GALK2: variants seen among roughly 807,000 people sequenced by gnomAD.
GALK2 encodes galactokinase 2, also known as N-acetylgalactosamine kinase.
A neutral mutation model predicts 52.4 loss-of-function variants in GALK2; 36 were observed. That is an observed-to-expected ratio of 0.69 (90% CI 0.53 to 0.91). GALK2 has a LOEUF of 0.91. GALK2 is among the 40% of genes least tolerant of loss of function. The pLI is 0.00. For missense variants in GALK2, 579 were observed against 559.1 expected, an observed-to-expected ratio of 1.04 and a Z score of -0.36; for synonymous variants, 176 against 199.1, an observed-to-expected ratio of 0.88 and a Z score of 0.98.
intron 9 of GALK2, among the ~76,000 whole-genome samples, chr15:49,323,114 A>G (rs1241167655): frequency 6.6e-6 from 1 of 152,138 alleles, no homozygotes; most frequent in Non-Finnish European, 1.5e-5. Context: ...AGGTAGTAAC[A>G]TGGGGAAAGG....
At chr15:49,245,306 T>C (rs970809091) in intron 5 of GALK2, among the ~76,000 whole-genome samples, 3 of 152,180 alleles carry the variant, frequency 2.0e-5, no homozygotes, top group African/African-American at 7.2e-5. Context: ...GTTGTACACA[T>C]TGCATTGGGG....
chr15:49,322,229 T>A (rs1436928723), intron 9 of GALK2, among the ~76,000 whole-genome samples: 11 of 152,246 alleles, frequency 7.2e-5, no homozygotes, highest in Non-Finnish European at 1.6e-4. Flanking sequence ...ATTTATTTTC[T>A]GAGAAAAATT....
chr15:49,357,807 T>C (rs1052582160), intron 3 of GALK2, among the ~76,000 whole-genome samples: 3 of 152,042 alleles, frequency 2.0e-5, no homozygotes, highest in African/African-American at 7.2e-5. Flanking sequence ...TAGACCAATA[T>C]CCTTGATGAA....
chr15:49,301,476 C>A (rs1453243097), intron 8 of GALK2, among the ~76,000 whole-genome samples: 1 of 151,850 alleles, frequency 6.6e-6, no homozygotes, highest in Non-Finnish European at 1.5e-5. Context: ...CATGGTGTGA[C>A]CCAAGAAGAA....
At chr15:49,181,258 C>T (rs1327704206) in intron 1 of GALK2, among the ~76,000 whole-genome samples, 1 of 151,722 alleles carries the variant, frequency 6.6e-6, no homozygotes, top group Non-Finnish European at 1.5e-5. Context: ...CATGCATGTG[C>T]CATGGTGCCC....
intron 3 of GALK2, among the ~76,000 whole-genome samples, chr15:49,344,519 A>G (rs1347718858): frequency 6.6e-6 from 1 of 152,184 alleles, no homozygotes; most frequent in Non-Finnish European, 1.5e-5. Context: ...GTGTGTTCCA[A>G]TATGACACTT....
At chr15:49,201,646 C>T (rs1411274426) in intron 2 of GALK2, among the ~76,000 whole-genome samples, 2 of 152,146 alleles carry the variant, frequency 1.3e-5, no homozygotes, top group South Asian at 2.1e-4. Flanking sequence ...CCAGAATTTG[C>T]AGCCCTTCTA....
In GALK2 at chr15:49,202,096, C is replaced by T. The variant is rs943109707; in HGVS notation, c.142+846C>T. On this transcript the variant is annotated intron_variant, in intron 2 of 9. Coordinates refer to ENST00000560031, the MANE Select transcript of GALK2 (RefSeq NM_002044.4). ...TCGGCTCACTGCAACCTCTGCCTCC[C>T]GGGTTCAAGTGATTCTCCTGCCTCA... Among the ~76,000 whole-genome samples, 15 of 152,058 alleles carry T rather than the reference C, an allele frequency of 9.9e-5. No individual in the cohort carries two copies. In the South Asian group the frequency reaches 1.7e-3, roughly 17 times the overall value.
At position 49,330,187 on chromosome 15, in the gene GALK2, T is replaced by C. The variant is rs191693642; in HGVS notation, c.*2028T>C. On this transcript the variant is annotated 3_prime_UTR_variant, in exon 10 of 10. Coordinates refer to ENST00000560031, the MANE Select transcript of GALK2 (RefSeq NM_002044.4). Reference sequence around the variant, plus strand: ...TGCAGATGAGCAAAGCCTATGGGTATAGGCAAACATGGTGTGTGTAGGAGG... The same window carrying C: ...TGCAGATGAGCAAAGCCTATGGGTACAGGCAAACATGGTGTGTGTAGGAGG... 1 of 152,236 alleles carries C rather than the reference T, an allele frequency of 6.6e-6. No individual in the cohort carries two copies. Among genetic ancestry groups the C allele is most frequent in the Non-Finnish European group, 1.5e-5 (1 of 68,068 alleles). The allele number at this position is 152,236 out of a possible 1,614,324, so 9.4% of individuals were successfully genotyped here. A position where few individuals can be genotyped will look rare whatever the true frequency, so the allele number is the denominator to read the frequency against.
downstream of GALK2, among the ~76,000 whole-genome samples, chr15:49,332,087 C>CCACACACACACA (rs377139081): frequency 6.2e-3 from 788 of 127,978 alleles, 11 homozygotes; most frequent in African/African-American, 0.019. Flanking sequence ...TGCACACGTG[C>CCACACACACACA]CACACACACA....
intron 1 of GALK2, among the ~76,000 whole-genome samples, chr15:49,200,213 A>C (rs560938010): frequency 6.6e-6 from 1 of 152,162 alleles, no homozygotes; most frequent in African/African-American, 2.4e-5. Context: ...CCTATGAGGA[A>C]TATCTAGTTC....
chr15:49,218,425 G>C (rs991001617), intron 3 of GALK2, among the ~76,000 whole-genome samples: 5 of 152,078 alleles, frequency 3.3e-5, no homozygotes, highest in Admixed American at 3.3e-4. Context: ...TGAATATGTG[G>C]TTTCAGTTTC....
chr15:49,234,920 C>T (rs1393770581), intron 3 of GALK2, among the ~76,000 whole-genome samples: 1 of 152,126 alleles, frequency 6.6e-6, no homozygotes, highest in African/African-American at 2.4e-5. Flanking sequence ...GCTCCCACCA[C>T]CACACCCAGA....
chr15:49,277,397 T>G (rs1447668746), intron 5 of GALK2, among the ~76,000 whole-genome samples: 3 of 143,894 alleles, frequency 2.1e-5, no homozygotes, highest in Non-Finnish European at 4.6e-5. Context: ...CTCGATCTCC[T>G]GACCTCGTGA....
At chr15:49,310,238 T>TA (rs984871810) in intron 8 of GALK2, among the ~76,000 whole-genome samples, 1 of 152,228 alleles carries the variant, frequency 6.6e-6, no homozygotes, top group African/African-American at 2.4e-5. Flanking sequence ...TATTGTTCAA[T>TA]AGTACTCTAT....
intron 3 of GALK2, among the ~76,000 whole-genome samples, chr15:49,231,186 G>A (rs1055393180): frequency 3.0e-4 from 46 of 152,100 alleles, no homozygotes; most frequent in African/African-American, 8.7e-4. Flanking sequence ...GCATGGCTGC[G>A]GAGGCCTCAG....
At chr15:49,214,860 G>T (rs1016422764) in intron 2 of GALK2, among the ~76,000 whole-genome samples, 1 of 152,074 alleles carries the variant, frequency 6.6e-6, no homozygotes, top group Non-Finnish European at 1.5e-5. Flanking sequence ...TTACATTAAT[G>T]TGCTTTTCTT....
intron 4 of GALK2, among the ~76,000 whole-genome samples, chr15:49,236,554 A>G (rs2090817720): frequency 6.6e-6 from 1 of 152,244 alleles, no homozygotes; most frequent in South Asian, 2.1e-4. Flanking sequence ...AAAATCTCTA[A>G]TGTTACATAC....
At chr15:49,310,427 G>A (rs1219308090) in intron 8 of GALK2, among the ~76,000 whole-genome samples, 3 of 151,994 alleles carry the variant, frequency 2.0e-5, no homozygotes, top group Non-Finnish European at 4.4e-5. Context: ...GAATCATATG[G>A]TAGTTCTATT....
Sources: allele counts gnomAD v4.1 joint callset (sites outside exome capture counted in the v4.1 genomes callset), GRCh38; gene constraint gnomAD v4.1.1; transcripts MANE v1.5; gene names NCBI Gene and HGNC (gene_info 2026-07-23, HGNC 2026-07-21).